Variants in TM2D1 observed in about 807,000 individuals in gnomAD.
TM2D1 encodes the protein TM2 domain-containing protein 1.
In TM2D1, 15 loss-of-function variants were observed where a neutral mutation model predicts 28.4. That is an observed-to-expected ratio of 0.53 (90% CI 0.35 to 0.81). The LOEUF is 0.81. Ranked by LOEUF, TM2D1 falls within the 40% of genes least tolerant of loss-of-function variation. The pLI, the probability that TM2D1 is intolerant of heterozygous loss-of-function variation, is 0.01. For synonymous variants in TM2D1, 93 were observed against 96.2 expected (o/e 0.97, Z 0.20); for missense variants, 236 against 254.9 (o/e 0.93, Z 0.50).
At chr1:61,691,936 T>G (rs77144685) in intron 5 of TM2D1, among the ~76,000 whole-genome samples, 1 of 78,814 alleles carries the variant, frequency 1.3e-5, no homozygotes, top group Non-Finnish European at 2.3e-5. Context: ...AAAAAAAATA[T>G]ATATATATAT....
intron 5 of TM2D1, among the ~76,000 whole-genome samples, chr1:61,689,771 C>T (rs992790166): frequency 2.6e-5 from 4 of 152,186 alleles, no homozygotes; most frequent in Admixed American, 6.5e-5. Flanking sequence ...TAAGTTGATG[C>T]TCACTAAACC....
chr1:61,711,048 G>A (rs967333901), intron 2 of TM2D1, among the ~76,000 whole-genome samples: 2 of 152,124 alleles, frequency 1.3e-5, no homozygotes, highest in African/African-American at 2.4e-5. Context: ...AACAAAGGGC[G>A]GTCGGGCGCG....
intron 3 of TM2D1, 28 bp from the exon 4 acceptor site, chr1:61,701,053 T>C (rs745936504): frequency 2.6e-6 from 4 of 1,535,958 alleles, no homozygotes; most frequent in East Asian, 4.5e-5. Context: ...CTGAGTATCA[T>C]ATTTCCAATG....
intron 2 of TM2D1, among the ~76,000 whole-genome samples, chr1:61,719,804 G>C (rs1644549272): frequency 1.3e-5 from 2 of 152,110 alleles, no homozygotes; most frequent in Admixed American, 6.6e-5. Flanking sequence ...CTAGGGTGGA[G>C]TGCTTTATAC....
chr1:61,690,177 C>T (rs549967046), intron 5 of TM2D1, among the ~76,000 whole-genome samples: 130 of 152,240 alleles, frequency 8.5e-4, no homozygotes, highest in African/African-American at 3.0e-3. Flanking sequence ...CTAGTCTAGG[C>T]CATGCACAGT....
At chr1:61,703,718 T>TTATATATATATATA in intron 3 of TM2D1, among the ~76,000 whole-genome samples, 1 of 99,088 alleles carries the variant, frequency 1.0e-5, no homozygotes, top group Non-Finnish European at 1.9e-5. Flanking sequence ...TAGCCAATCT[T>TTATATATATATATA]TATATATATA....
chr1:61,709,519 G>T, intron 2 of TM2D1, 82 bp from the exon 3 acceptor site: 2 of 974,394 alleles, frequency 2.1e-6, no homozygotes, highest in Non-Finnish European at 3.2e-6. Flanking sequence ...TAGCAAATAT[G>T]TTATAACAAA....
chr1:61,692,208 T>G (rs900011814), intron 5 of TM2D1, among the ~76,000 whole-genome samples: 5 of 151,642 alleles, frequency 3.3e-5, no homozygotes, highest in African/African-American at 1.2e-4. Context: ...CAAAGTTTAA[T>G]AACAAATAGA....
chr1:61,683,700 C>A, intron 5 of TM2D1, 154 bp from the exon 6 acceptor site: 1 of 460,798 alleles, frequency 2.2e-6, no homozygotes, highest in Non-Finnish European at 3.8e-6. Context: ...GCTCATGTAG[C>A]TAAAAACAAC....
intron 5 of TM2D1, among the ~76,000 whole-genome samples, chr1:61,693,125 T>C (rs758589404): frequency 4.0e-5 from 6 of 151,402 alleles, no homozygotes; most frequent in Non-Finnish European, 7.4e-5. Context: ...TAGTCTCAGC[T>C]ACTTGGGAGG....
chr1:61,698,737 G>A (rs1644381031), intron 4 of TM2D1: 1 of 135,266 alleles, frequency 7.4e-6, no homozygotes, highest in Non-Finnish European at 1.6e-5. Flanking sequence ...TTGTAAAATG[G>A]GATTTTTTTT....
intron 5 of TM2D1, chr1:61,686,661 T>C: frequency 2.6e-6 from 1 of 385,762 alleles, no homozygotes; most frequent in Non-Finnish European, 3.5e-6. Flanking sequence ...TGAGGCTCTA[T>C]CTCAAAGAAA....
intron 5 of TM2D1, 29 bp from the exon 6 acceptor site, chr1:61,683,575 C>A: frequency 9.2e-7 from 1 of 1,082,710 alleles, no homozygotes; most frequent in South Asian, 1.7e-5. Context: ...CAAAATTATT[C>A]ATTTTACAAA....
chr1:61,702,615 G>A (rs1195435146), intron 3 of TM2D1, among the ~76,000 whole-genome samples: 1 of 150,534 alleles, frequency 6.6e-6, no homozygotes, highest in African/African-American at 2.4e-5. Context: ...TGACCCACCC[G>A]CCTTGGCCTC....
intron 5 of TM2D1, among the ~76,000 whole-genome samples, chr1:61,691,447 A>G (rs1363036295): frequency 2.0e-5 from 3 of 146,972 alleles, no homozygotes; most frequent in Non-Finnish European, 4.5e-5. Context: ...GTGGGCTGAG[A>G]TCACACCATT....
At position 61,710,723 on chromosome 1, in the gene TM2D1, T is replaced by G. The variant is rs193194212; in HGVS notation, c.239-1286A>C. ...TACATATTTTTTTAAAATAAAACTG[T>G]GTATAATAAAGTAAAAACAGAGAAC... On this transcript the variant is annotated intron_variant, in intron 2 of 6. Coordinates refer to ENST00000606498, the MANE Select transcript of TM2D1 (RefSeq NM_032027.3). Among the ~76,000 whole-genome samples the G allele has an allele frequency of 3.9e-5, 6 of 151,984 alleles. No homozygotes were observed. In the East Asian group the frequency reaches 1.2e-3, roughly 30 times the overall value.
chr1:61,714,233 T>A (rs1359757379), intron 2 of TM2D1, among the ~76,000 whole-genome samples: 1 of 144,966 alleles, frequency 6.9e-6, no homozygotes, highest in Non-Finnish European at 1.5e-5. Context: ...AAATGCCTGG[T>A]AAAAAATATT....
intron 5 of TM2D1, among the ~76,000 whole-genome samples, chr1:61,692,344 T>C (rs1644334122): frequency 6.6e-6 from 1 of 152,100 alleles, no homozygotes; most frequent in South Asian, 2.1e-4. Context: ...TATGTTTTTA[T>C]AGGTCTTGAA....
In TM2D1 at chr1:61,713,855, T is replaced by C. The variant is rs531175167; in HGVS notation, c.239-4418A>G. ...CTGTTTTTTTGAGATGACAGGTTTC[T>C]GTACAAAACTTTTAAAAACCAAATA... On this transcript the variant is annotated intron_variant, in intron 2 of 6. Transcript: ENST00000606498. Among the ~76,000 whole-genome samples, 21 of 152,002 alleles carry C rather than the reference T, an allele frequency of 1.4e-4. No individual in the cohort carries two copies. The East Asian group carries it at 4.1e-3, about 30-fold the overall frequency.
Sources: gnomAD v4.1 joint callset for allele counts (sites outside exome capture counted in the v4.1 genomes callset) on GRCh38, gnomAD v4.1.1 for gene constraint, MANE v1.5 for transcripts, NCBI Gene and HGNC (gene_info 2026-07-23, HGNC 2026-07-21) for gene names.